The following FGF11 variants were observed in gnomAD, a reference collection of about 807,000 sequenced individuals.
FGF11 encodes fibroblast growth factor 11.
FGF11 carries 25 observed loss-of-function variants against 25.1 expected under a neutral mutation model. The observed-to-expected ratio is 1.00, with a 90% CI of 0.73 to 1.39. The LOEUF is 1.39. Among genes scored for constraint, FGF11 ranks in the 40% most tolerant of loss-of-function variants. The pLI, the probability that FGF11 is intolerant of heterozygous loss-of-function variation, is 0.00. For synonymous variants in FGF11, 130 were observed against 128.9 expected, an observed-to-expected ratio of 1.01 and a Z score of -0.06; for missense variants, 320 against 311.0, an observed-to-expected ratio of 1.03 and a Z score of -0.22.
At position 7,439,601 on chromosome 17, in the gene FGF11, G is replaced by C. The variant is rs766061155; in HGVS notation, c.-20G>C. ...GCTCCGGGCGCCTGCCGGTTTGGGG[G>C]TGTCTCCTCCCGGGGCGCTATGGCG... On this transcript the variant is annotated 5_prime_UTR_variant, in exon 1 of 5. Coordinates refer to ENST00000293829, the MANE Select transcript of FGF11 (RefSeq NM_004112.4). The C allele has an allele frequency of 2.9e-6, 4 of 1,401,060 alleles. No homozygotes were observed. Among genetic ancestry groups the C allele is most frequent in the Non-Finnish European group, 3.7e-6 (4 of 1,086,432 alleles). 86.8% of individuals were successfully genotyped at this position (1,401,060 alleles called of 1,614,324 possible).
chr17:7,439,816 G>A lies in FGF11; in HGVS notation c.193+3G>A. The A allele has an allele frequency of 7.0e-7, 1 of 1,423,092 alleles. No individual in the cohort carries two copies. 88.2% of individuals were successfully genotyped at this position (1,423,092 alleles called of 1,614,324 possible). On this transcript the variant is annotated splice_donor_region_variant and intron_variant, in intron 1 of 4. Coordinates refer to ENST00000293829, the MANE Select transcript of FGF11 (RefSeq NM_004112.4). The stretch of plus-strand genomic sequence containing the variant: ...CGCGCGGCCGGACCGCGGCCCGGGT[G>A]AGTGCGGCTGGGGCGGGGTCTCCCG...
chr17:7,440,080 C>A lies in FGF11; in HGVS notation c.193+267C>A. On this transcript the variant is annotated intron_variant, in intron 1 of 4. Coordinates refer to ENST00000293829, the MANE Select transcript of FGF11 (RefSeq NM_004112.4). The surrounding 1 kb of genome is among the most constrained non-coding windows in gnomAD (Gnocchi z 5.4). ...GCCTCGTAGTTCCTGCTCGTCCCCC[C>A]TTCCCAACACAGCAGTCCCCACCCC... The A allele has an allele frequency of 2.7e-6, 1 of 374,160 alleles. No individual in the cohort carries two copies. The highest frequency in any genetic ancestry group is 4.8e-6 in the Non-Finnish European group (1 of 210,310). The allele number at this position is 374,160 out of a possible 1,614,324, so 23.2% of individuals were successfully genotyped here.
chr17:7,440,756 G>C lies in FGF11; in HGVS notation c.194-715G>C, dbSNP rs1908282976. 1.0e-6 allele frequency: 1 copy of C among 986,504 alleles called. No individual in the cohort carries two copies. The highest frequency in any genetic ancestry group is 4.7e-5 in the South Asian group (1 of 21,372). 61.1% of individuals were successfully genotyped at this position (986,504 alleles called of 1,614,324 possible). On this transcript the variant is annotated intron_variant, in intron 1 of 4. Coordinates refer to ENST00000293829, the MANE Select transcript of FGF11 (RefSeq NM_004112.4). The surrounding 1 kb of genome is among the most constrained non-coding windows in gnomAD (Gnocchi z 5.4). ...CGCAGCCCACCCTCTGAGTAGGACC[G>C]GGCCCCCACGTGACTCAGCCTGCCT...
At position 7,443,420 on chromosome 17, in the gene FGF11, G is replaced by C. The variant is rs4151133; in HGVS notation, c.*274G>C. The C allele has an allele frequency of 0.99, 395,169 of 400,322 alleles. 195,230 individuals carry two copies. The highest frequency in any genetic ancestry group is 1 in the East Asian group (25,148 of 25,148). The allele number at this position is 400,322 out of a possible 1,614,324, so 24.8% of individuals were successfully genotyped here. A position where few individuals can be genotyped will look rare whatever the true frequency, so the allele number is the denominator to read the frequency against. ...TTCTTTCTTTCCACACTCACACAAC[G>C]CCATGCCTTTTCCTGAGATGGCGCT... is the stretch of plus-strand genomic sequence containing the variant. On this transcript the variant is annotated 3_prime_UTR_variant, in exon 5 of 5. Transcript: ENST00000293829.
rs1282398605 is a variant in FGF11, at chr17:7,440,088, C to T, written c.193+275C>T. The T allele has an allele frequency of 8.3e-6, 3 of 362,784 alleles. No homozygotes were observed. Among genetic ancestry groups the T allele is most frequent in the Admixed American group, 9.4e-5 (2 of 21,358 alleles). 22.5% of individuals were successfully genotyped at this position (362,784 alleles called of 1,614,324 possible). On this transcript the variant is annotated intron_variant, in intron 1 of 4. Transcript: ENST00000293829. The surrounding 1 kb of genome is among the most constrained non-coding windows in gnomAD (Gnocchi z 5.4). ...GTTCCTGCTCGTCCCCCCTTCCCAA[C>T]ACAGCAGTCCCCACCCCCATCGTCC...
Position 7,441,470 on chromosome 17 carries a change from G to A in FGF11, c.194-1G>A. ...TCAAAGATGAATGTCTCTCTCTCCA[G>A]AGCCTCAGCTCAAAGGCATCGTCAC... On this transcript the variant is annotated splice_acceptor_variant, in intron 1 of 4. Coordinates refer to ENST00000293829, the MANE Select transcript of FGF11 (RefSeq NM_004112.4). LOFTEE classifies it high-confidence loss of function. 6.2e-7 allele frequency: 1 copy of A among 1,614,090 alleles called. No homozygotes were observed. Among genetic ancestry groups the A allele is most frequent in the Middle Eastern group, 1.6e-4 (1 of 6,062 alleles).
chr17:7,442,792 G>T lies in FGF11; in HGVS notation c.607G>T (p.Val203Leu), dbSNP rs546541096. ...CCACTTTCTGCCCAAGCTCCTGGAGGGTGGGTATAGACTCAAGAAAATGTG... is the reference window on the plus strand; with the variant it reads ...CCACTTTCTGCCCAAGCTCCTGGAGTGTGGGTATAGACTCAAGAAAATGTG... ...AAHFLPKLLEVAMYQEPSLHS... is the reference protein window; with the variant it reads ...AAHFLPKLLELAMYQEPSLHS... Residue 203 changes from valine to leucine, a missense_variant and splice_region_variant, in exon 4 of 5, where the codon GTG becomes TTG. Val to Leu is a conservative substitution (Grantham distance 32, BLOSUM62 1). Transcript: ENST00000293829. 1.2e-6 allele frequency: 2 copies of T among 1,613,788 alleles called. No individual in the cohort carries two copies. Among genetic ancestry groups the T allele is most frequent in the South Asian group, 1.1e-5 (1 of 91,030 alleles).
Position 7,440,570 on chromosome 17 carries a change from G to T in FGF11, c.193+757G>T. On this transcript the variant is annotated intron_variant, in intron 1 of 4. Transcript: ENST00000293829. This position sits in a 1 kb window ranked among gnomAD's most constrained non-coding sequence, Gnocchi z 5.4. ...GGACAGGGAAGTCGGCAGAGAGCAAGCGATGGGGGAGGAGAGTTGTGAGAG... is the reference window on the plus strand; with the variant it reads ...GGACAGGGAAGTCGGCAGAGAGCAATCGATGGGGGAGGAGAGTTGTGAGAG... The T allele has an allele frequency of 5.1e-6, 4 of 785,602 alleles. No homozygotes were observed. Among genetic ancestry groups the T allele is most frequent in the Non-Finnish European group, 4.6e-6 (3 of 647,552 alleles). 48.7% of individuals were successfully genotyped at this position (785,602 alleles called of 1,614,324 possible). A position where few individuals can be genotyped will look rare whatever the true frequency, so the allele number is the denominator to read the frequency against.
rs1025673518 is a variant in FGF11 at position 7,443,576 on chromosome 17, CCTT to C, written c.*434_*436del. The C allele has an allele frequency of 2.6e-4, 44 of 168,910 alleles. No individual in the cohort carries two copies. The highest frequency in any genetic ancestry group is 8.8e-4 in the African/African-American group (37 of 41,950). 10.5% of individuals were successfully genotyped at this position (168,910 alleles called of 1,614,324 possible). On this transcript the variant is annotated 3_prime_UTR_variant, in exon 5 of 5. Coordinates refer to ENST00000293829, the MANE Select transcript of FGF11 (RefSeq NM_004112.4). ...TCACTGGAGCTCAGGATTCATGTGT[CCTT>C]CTTTCCCTACTCTACCTTCTACCTT...
At chr17:7,442,356 G>A (rs1908367640) in intron 3 of FGF11, 13 of 1,226,078 alleles carry the variant, frequency 1.1e-5, no homozygotes, top group East Asian at 1.0e-4. Context: ...CACCCGCCTC[G>A]GCCTCCCAAA....
At position 7,442,880 on chromosome 17, in the gene FGF11, G is replaced by A. The variant is rs547372564; in HGVS notation, c.607+88G>A. The A allele has an allele frequency of 2.2e-5, 31 of 1,393,730 alleles. No homozygotes were observed. In the African/African-American group the frequency reaches 3.1e-4, roughly 14 times the overall value. 86.3% of individuals were successfully genotyped at this position (1,393,730 alleles called of 1,614,324 possible). A position where few individuals can be genotyped will look rare whatever the true frequency, so the allele number is the denominator to read the frequency against. On this transcript the variant is annotated intron_variant, in intron 4 of 4. Coordinates refer to ENST00000293829, the MANE Select transcript of FGF11 (RefSeq NM_004112.4). Reference sequence around the variant, plus strand: ...TAGGGGCAGACAGCTCAGGCTACAAGTGATAAGAGGACCCTTTGTGACAGA... The same window carrying A: ...TAGGGGCAGACAGCTCAGGCTACAAATGATAAGAGGACCCTTTGTGACAGA...
At chr17:7,442,422 C>T (rs1159288371) in intron 3 of FGF11, 172 bp from the exon 4 acceptor site, 9 of 1,450,272 alleles carry the variant, frequency 6.2e-6, no homozygotes, top group Admixed American at 2.5e-5. Context: ...AGTTCTTAGC[C>T]CTCAGCCCTC....
chr17:7,440,610 C>T lies in FGF11; in HGVS notation c.193+797C>T, dbSNP rs1597742699. On this transcript the variant is annotated intron_variant, in intron 1 of 4. Transcript: ENST00000293829. This position sits in a 1 kb window ranked among gnomAD's most constrained non-coding sequence, Gnocchi z 5.4. Reference sequence around the variant, plus strand: ...AGTTGTGAGAGTTAGAATTGGTCCCCGTCCATGTACGACAGTCAGGGAGTC... The same window carrying T: ...AGTTGTGAGAGTTAGAATTGGTCCCTGTCCATGTACGACAGTCAGGGAGTC... The T allele has an allele frequency of 1.1e-6, 1 of 942,794 alleles. No homozygotes were observed. Among genetic ancestry groups the T allele is most frequent in the Non-Finnish European group, 1.3e-6 (1 of 791,210 alleles). 58.4% of individuals were successfully genotyped at this position (942,794 alleles called of 1,614,324 possible).
Position 7,440,079 on chromosome 17 carries a change from C to A in FGF11, c.193+266C>A, listed in dbSNP as rs1044714255. On this transcript the variant is annotated intron_variant, in intron 1 of 4. Coordinates refer to ENST00000293829, the MANE Select transcript of FGF11 (RefSeq NM_004112.4). This position sits in a 1 kb window ranked among gnomAD's most constrained non-coding sequence, Gnocchi z 5.4. ...AGCCTCGTAGTTCCTGCTCGTCCCC[C>A]CTTCCCAACACAGCAGTCCCCACCC... is the stretch of plus-strand genomic sequence containing the variant. 1.1e-5 allele frequency: 4 copies of A among 375,992 alleles called. No individual in the cohort carries two copies. The highest frequency in any genetic ancestry group is 1.4e-5 in the Non-Finnish European group (3 of 211,442). 23.3% of individuals were successfully genotyped at this position (375,992 alleles called of 1,614,324 possible).
chr17:7,442,920 C>T, intron 4 of FGF11, 128 bp downstream of exon 4: 1 of 1,244,624 alleles, frequency 8.0e-7, no homozygotes, highest in Non-Finnish European at 1.2e-6. Context: ...GCCAGGAAGG[C>T]TTTGCCCTTT....
chr17:7,444,864 A>C lies in FGF11; in HGVS notation c.*1718A>C, dbSNP rs932193683. ...ACAAACCCCACTCAGTCTCCACCCA[A>C]CTCCTGGCACTGCTCCCAGGGGATC... On this transcript the variant is annotated 3_prime_UTR_variant, in exon 5 of 5. Transcript: ENST00000293829. The C allele has an allele frequency of 1.7e-6, 1 of 578,758 alleles. No homozygotes were observed. The highest frequency in any genetic ancestry group is 1.9e-5 in the African/African-American group (1 of 53,290). 35.9% of individuals were successfully genotyped at this position (578,758 alleles called of 1,614,324 possible). A position where few individuals can be genotyped will look rare whatever the true frequency, so the allele number is the denominator to read the frequency against.
chr17:7,439,658 G>T lies in FGF11; in HGVS notation c.38G>T (p.Arg13Leu). Residue 13 changes from arginine to leucine, a missense_variant, in exon 1 of 5, where the codon CGG (arginine) becomes CTG (leucine). Coordinates refer to ENST00000293829, the MANE Select transcript of FGF11 (RefSeq NM_004112.4). Reference protein sequence around the residue: ...ALASSLIRQKREVREPGGSRP... With the variant: ...ALASSLIRQKLEVREPGGSRP... ...GCCAGTAGCCTGATCCGGCAGAAGC[G>T]GGAGGTCCGCGAGCCCGGGGGCAGC... 6.6e-7 allele frequency: 1 copy of T among 1,517,388 alleles called. No individual in the cohort carries two copies. The highest frequency in any genetic ancestry group is 8.8e-7 in the Non-Finnish European group (1 of 1,140,248). 94.0% of individuals were successfully genotyped at this position (1,517,388 alleles called of 1,614,324 possible).
Position 7,443,160 on chromosome 17 carries a change from GACTGGAGGTTCCCTGC to G in FGF11, c.*18_*33del. ...CCTGCCCCCTGAAATGTAGTCCCTG[GACTGGAGGTTCCCTGC>G]ACTCCCAGTGAGCCAGCCACCACCA... On this transcript the variant is annotated 3_prime_UTR_variant, in exon 5 of 5. Transcript: ENST00000293829. The G allele has an allele frequency of 6.4e-7, 1 of 1,551,454 alleles. No individual in the cohort carries two copies. Among genetic ancestry groups the G allele is most frequent in the Non-Finnish European group, 8.9e-7 (1 of 1,128,536 alleles).
chr17:7,439,781 G>C lies in FGF11; in HGVS notation c.161G>C (p.Gly54Ala), dbSNP rs578202767. 10 of 1,484,270 alleles carry C rather than the reference G, an allele frequency of 6.7e-6. No individual in the cohort carries two copies. Among genetic ancestry groups the C allele is most frequent in the South Asian group, 5.4e-5 (4 of 73,726 alleles). The allele number at this position is 1,484,270 out of a possible 1,614,324, so 91.9% of individuals were successfully genotyped here. A position where few individuals can be genotyped will look rare whatever the true frequency, so the allele number is the denominator to read the frequency against. Residue 54 changes from glycine to alanine, a missense_variant, in exon 1 of 5, where the codon GGG (glycine) becomes GCG (alanine). By Grantham distance (60) the Gly-to-Ala change is moderately conservative. Coordinates refer to ENST00000293829, the MANE Select transcript of FGF11 (RefSeq NM_004112.4). ...LILLSKVRLC[G>A]GRPARPDRGP... ...CTGCTGTCCAAGGTGCGACTGTGCG[G>C]GGGGCGGCCCGCGCGGCCGGACCGC...
Sources: allele counts gnomAD v4.1 joint callset, GRCh38; gene constraint gnomAD v4.1.1; non-coding constraint Gnocchi (gnomAD v3.1); transcripts MANE v1.5; gene names NCBI Gene and HGNC (gene_info 2026-07-23, HGNC 2026-07-21).